The following TRIM9 variants were observed in gnomAD, a reference collection of about 807,000 sequenced individuals.
The protein encoded by TRIM9 is tripartite motif containing 9.
Under a neutral mutation model 78.3 loss-of-function variants are expected in TRIM9, and 26 were observed. The ratio of observed to expected loss-of-function variants is 0.33; its 90% CI spans 0.24 to 0.46. The LOEUF is 0.46. Ranked by LOEUF, TRIM9 falls within the 20% of genes least tolerant of loss-of-function variation. The pLI, the probability that TRIM9 is intolerant of heterozygous loss-of-function variation, is 1.00. For synonymous variants in TRIM9, 398 were observed against 416.5 expected (o/e 0.96, Z 0.54); for missense variants, 787 against 1,036.4 (o/e 0.76, Z 3.30).
chr14:51,027,395 C>T (rs758370732), intron 1 of TRIM9, among the ~76,000 whole-genome samples: 14 of 152,060 alleles, frequency 9.2e-5, no homozygotes, highest in Admixed American at 8.5e-4. Context: ...CCACCCACCT[C>T]GACCTCCCAA....
intron 12 of TRIM9, 84 bp from the exon 13 acceptor site, chr14:50,977,437 T>A: frequency 9.3e-7 from 1 of 1,071,688 alleles, no homozygotes; most frequent in Non-Finnish European, 1.2e-6. Context: ...TGTCCCTAAC[T>A]CAAAAAGTGT....
At chr14:51,007,327 T>C (rs1053869251) in intron 5 of TRIM9, among the ~76,000 whole-genome samples, 1 of 152,200 alleles carries the variant, frequency 6.6e-6, no homozygotes, top group African/African-American at 2.4e-5. Flanking sequence ...CTATATTTTA[T>C]TAAGGATGGG....
At chr14:50,979,343 G>T (rs538160773) in intron 12 of TRIM9, 44 bp downstream of exon 12, 2 of 1,614,088 alleles carry the variant, frequency 1.2e-6, no homozygotes, top group East Asian at 2.2e-5. Context: ...CCTTTGAACC[G>T]GTAGCCAGCA....
chr14:51,035,939 T>A (rs2059108921), intron 1 of TRIM9, among the ~76,000 whole-genome samples: 1 of 152,112 alleles, frequency 6.6e-6, no homozygotes, highest in Non-Finnish European at 1.5e-5. Context: ...TTGTACAGAG[T>A]AGTAGTGACT....
chr14:51,053,856 GC>G (rs2060663585), intron 1 of TRIM9, among the ~76,000 whole-genome samples: 1 of 151,300 alleles, frequency 6.6e-6, no homozygotes, highest in South Asian at 2.1e-4. Flanking sequence ...ACAAATTATT[GC>G]CCAAAGTAAA....
intron 1 of TRIM9, among the ~76,000 whole-genome samples, chr14:51,038,773 G>A (rs886397516): frequency 9.2e-5 from 14 of 151,974 alleles, no homozygotes; most frequent in African/African-American, 2.9e-4. Context: ...AAGCTTCTCC[G>A]TCAGTCTGGA....
chr14:51,063,214 G>C (rs2061484069), intron 1 of TRIM9, among the ~76,000 whole-genome samples: 1 of 152,082 alleles, frequency 6.6e-6, no homozygotes, highest in African/African-American at 2.4e-5. Flanking sequence ...TTTATAATAA[G>C]CATCAATTTA....
chr14:50,984,428 T>C (rs1473657697), intron 8 of TRIM9, among the ~76,000 whole-genome samples: 1 of 152,248 alleles, frequency 6.6e-6, no homozygotes, highest in Non-Finnish European at 1.5e-5. Context: ...GTTAGTTTGC[T>C]TTTCTCTGGG....
At chr14:51,012,096 T>G (rs1056198762) in intron 3 of TRIM9, among the ~76,000 whole-genome samples, 1 of 152,260 alleles carries the variant, frequency 6.6e-6, no homozygotes, top group Admixed American at 6.5e-5. Context: ...CATTTTCCAC[T>G]GTAACCATTT....
intron 1 of TRIM9, among the ~76,000 whole-genome samples, chr14:51,045,893 G>A (rs907952368): frequency 4.6e-5 from 7 of 151,900 alleles, no homozygotes; most frequent in African/African-American, 1.7e-4. Flanking sequence ...TTTTGTAATG[G>A]TGAAGAAAAT....
chr14:51,068,621 T>G (rs1025316228), intron 1 of TRIM9, among the ~76,000 whole-genome samples: 2 of 152,230 alleles, frequency 1.3e-5, no homozygotes, highest in African/African-American at 4.8e-5. Context: ...TTAGGAATTT[T>G]AACATCAGTG....
At chr14:51,018,575 T>C (rs28441253) in intron 3 of TRIM9, among the ~76,000 whole-genome samples, 23,518 of 152,178 alleles carry the variant, frequency 0.15, 1,850 homozygotes, top group Middle Eastern at 0.25. Flanking sequence ...AAGATAATGG[T>C]GAAAAGAATG....
intron 1 of TRIM9, among the ~76,000 whole-genome samples, chr14:51,054,139 C>T (rs2060688473): frequency 6.6e-6 from 1 of 152,222 alleles, no homozygotes; most frequent in Non-Finnish European, 1.5e-5. Flanking sequence ...TCTCATCAGG[C>T]TGGCCTGGAG....
intron 1 of TRIM9, chr14:51,091,022 T>C (rs2064262167): frequency 6.6e-6 from 1 of 152,192 alleles, no homozygotes; most frequent in Non-Finnish European, 1.5e-5. Context: ...ATCTACAAAA[T>C]CACTTTTTTG....
At chr14:51,039,623 G>A (rs1475283700) in intron 1 of TRIM9, among the ~76,000 whole-genome samples, 2 of 152,204 alleles carry the variant, frequency 1.3e-5, no homozygotes, top group African/African-American at 4.8e-5. Context: ...AGTGTCATGA[G>A]GGGATTCTCT....
At chr14:51,000,607 C>T in intron 6 of TRIM9, 76 bp downstream of exon 6, 2 of 1,577,240 alleles carry the variant, frequency 1.3e-6, no homozygotes, top group Non-Finnish European at 1.7e-6. Context: ...GGAAGCCAGC[C>T]CTGAGACTCC....
chr14:51,079,784 G>A (rs950535605), intron 1 of TRIM9, among the ~76,000 whole-genome samples: 3 of 152,104 alleles, frequency 2.0e-5, no homozygotes, highest in South Asian at 2.1e-4. Flanking sequence ...TGTGGTCAAC[G>A]ACCTAGAGCT....
intron 1 of TRIM9, among the ~76,000 whole-genome samples, chr14:51,030,022 C>T (rs1377991261): frequency 6.6e-6 from 1 of 152,224 alleles, no homozygotes; most frequent in African/African-American, 2.4e-5. Context: ...ATGTAAATTA[C>T]AGCATGACTA....
chr14:51,080,247 A>G (rs2063174236), intron 1 of TRIM9, among the ~76,000 whole-genome samples: 1 of 152,066 alleles, frequency 6.6e-6, no homozygotes, highest in South Asian at 2.1e-4. Flanking sequence ...AGAATATATT[A>G]CTTATAATGA....
Sources: allele counts gnomAD v4.1 joint callset (sites outside exome capture counted in the v4.1 genomes callset), GRCh38; gene constraint gnomAD v4.1.1; transcripts MANE v1.5; gene names NCBI Gene and HGNC (gene_info 2026-07-23, HGNC 2026-07-21).